The following GAA variants were observed in gnomAD, a reference collection of about 807,000 sequenced individuals.
The protein encoded by GAA is alpha glucosidase.
In GAA, 88 loss-of-function variants were observed where a neutral mutation model predicts 103.9. That is an observed-to-expected ratio of 0.85 (90% CI 0.71 to 1.01). GAA has a LOEUF of 1.01. Among genes scored for constraint, GAA ranks in the 50% least tolerant of loss-of-function variants. The probability of loss-of-function intolerance (pLI) is 0.00; values close to 1 mark genes in which losing one functional copy is unlikely to be tolerated. For synonymous variants in GAA, 572 were observed against 563.1 expected (o/e 1.02, Z -0.22); for missense variants, 1,350 against 1,305.3 (o/e 1.03, Z -0.53).
intron 1 of GAA, chr17:80,102,821 C>G (rs1308251375): frequency 6.6e-6 from 1 of 152,224 alleles, no homozygotes; most frequent in African/African-American, 2.4e-5. Flanking sequence ...CAAGTGACAA[C>G]CTGGGATTTG....
chr17:80,104,482 C>T lies in GAA; in HGVS notation c.-32-73C>T. On this transcript the variant is annotated intron_variant, in intron 1 of 19. Transcript: ENST00000302262. The surrounding 1 kb of genome is among the most constrained non-coding windows in gnomAD (Gnocchi z 4.0). Reference sequence around the variant, plus strand: ...GCAGTGCCAGCCGCGGTTGATGTCTCAGAGCTGCTTTGAGAGCCCCGTGAG... The same window carrying T: ...GCAGTGCCAGCCGCGGTTGATGTCTTAGAGCTGCTTTGAGAGCCCCGTGAG... 1 of 1,155,412 alleles carries T rather than the reference C, an allele frequency of 8.7e-7. No homozygotes were observed. Among genetic ancestry groups the T allele is most frequent in the South Asian group, 1.5e-5 (1 of 65,408 alleles). The allele number at this position is 1,155,412 out of a possible 1,614,324, so 71.6% of individuals were successfully genotyped here.
In GAA at chr17:80,117,667, G is replaced by A; in HGVS notation, c.2399G>A (p.Ser800Asn). The change falls in exon 17 of 20, where the codon AGC (serine) becomes AAC (asparagine). Residue 800 changes from serine to asparagine, a missense_variant. Transcript: ENST00000302262. ...PAAPREPAIHSEGQWVTLPAP... is the reference protein window; with the variant it reads ...PAAPREPAIHNEGQWVTLPAP... ...GCTCCCCGTGAGCCAGCCATCCACAGCGAGGGGCAGTGGGTGACGCTGCCG... is the reference window on the plus strand; with the variant it reads ...GCTCCCCGTGAGCCAGCCATCCACAACGAGGGGCAGTGGGTGACGCTGCCG... 1 of 1,612,854 alleles carries A rather than the reference G, an allele frequency of 6.2e-7. No individual in the cohort carries two copies.
At chr17:80,110,686 G>C (rs764556150) in intron 9 of GAA, 41 bp from the exon 10 acceptor site, 2 of 1,558,338 alleles carry the variant, frequency 1.3e-6, no homozygotes, top group South Asian at 2.2e-5. Context: ...GCAGGCCCTG[G>C]GTGGGGCCGG....
intron 12 of GAA, 87 bp from the exon 13 acceptor site, chr17:80,112,491 C>G: frequency 6.5e-7 from 1 of 1,548,254 alleles, no homozygotes; most frequent in South Asian, 1.1e-5. Flanking sequence ...CCAGAAAGCT[C>G]CTTGCTCCCA....
Position 80,112,090 on chromosome 17 carries a change from G to A in GAA, c.1744G>A (p.Ala582Thr), listed in dbSNP as rs369098202. ...CCTCTACGGCCTGACCGAAGCCATC[G>A]CCTCCCACAGGTGAGGGCCACGTCC... ...HNLYGLTEAI[A>T]SHRALVKARG... The change falls in exon 12 of 20, where the codon GCC becomes ACC. Residue 582 changes from alanine (A) to threonine (T), a missense_variant. Physicochemically the swap from Ala to Thr is moderately conservative, Grantham distance 58 (BLOSUM62 0). Transcript: ENST00000302262. 1.5e-5 allele frequency: 25 copies of A among 1,613,472 alleles called. No homozygotes were observed. The highest frequency in any genetic ancestry group is 1.6e-4 in the Middle Eastern group (1 of 6,062).
At chr17:80,103,038 A>C (rs1009749142) in intron 1 of GAA, among the ~76,000 whole-genome samples, 2 of 152,194 alleles carry the variant, frequency 1.3e-5, no homozygotes, top group African/African-American at 4.8e-5. Context: ...CAGCCCAGAG[A>C]GCCCTAATTT....
intron 12 of GAA, chr17:80,112,328 C>A: frequency 1.6e-6 from 1 of 640,418 alleles, no homozygotes; most frequent in Non-Finnish European, 2.7e-6. Context: ...TGGATGCTGA[C>A]AGGAGTCTGC....
chr17:80,105,159 G>C, intron 2 of GAA, 27 bp downstream of exon 2: 1 of 1,588,588 alleles, frequency 6.3e-7, no homozygotes, highest in Non-Finnish European at 8.5e-7. Context: ...CGGGGGCGGC[G>C]GCCAGGGCAG....
intron 5 of GAA, 110 bp from the exon 6 acceptor site, chr17:80,108,180 C>T: frequency 3.2e-6 from 5 of 1,585,160 alleles, no homozygotes; most frequent in African/African-American, 1.3e-5. Flanking sequence ...CTCTGAGCTC[C>T]TCGTGGGGAG....
intron 16 of GAA, 142 bp from the exon 17 acceptor site, chr17:80,117,458 G>A (rs1016603092): frequency 1.3e-5 from 13 of 994,528 alleles, no homozygotes; most frequent in East Asian, 9.6e-5. Context: ...CTGAGTCTGC[G>A]CCTGAAGTCA....
intron 3 of GAA, among the ~76,000 whole-genome samples, chr17:80,106,140 G>T (rs922165701): frequency 6.6e-6 from 1 of 152,156 alleles, no homozygotes; most frequent in Non-Finnish European, 1.5e-5. Flanking sequence ...ATTTAACTCA[G>T]GAAAACTCTC....
At chr17:80,105,610 C>A in intron 2 of GAA, 139 bp from the exon 3 acceptor site, 2 of 1,037,438 alleles carry the variant, frequency 1.9e-6, no homozygotes, top group Non-Finnish European at 2.9e-6. Context: ...AGCCGAGGCT[C>A]AGAGAGGCTG....
intron 7 of GAA, 28 bp from the exon 8 acceptor site, chr17:80,108,668 CA>C: frequency 6.2e-7 from 1 of 1,612,786 alleles, no homozygotes; most frequent in Non-Finnish European, 8.5e-7. Flanking sequence ...CCTCAGGCCC[CA>C]GCAGACGGTC....
At chr17:80,112,849 A>T in intron 13 of GAA, 27 bp from the exon 14 acceptor site, 1 of 1,600,356 alleles carries the variant, frequency 6.2e-7, no homozygotes, top group Non-Finnish European at 8.5e-7. Flanking sequence ...CAGCAGCCTG[A>T]GGACCAGCCT....
Position 80,111,029 on chromosome 17 carries a change from A to G in GAA, c.1636+4A>G, listed in dbSNP as rs1397214176. ...GAGAACCCACCCTACGTGCCTGGTC[A>G]GCTCGCCCCCCACCTACCCTGGGGA... On this transcript the variant is annotated splice_donor_region_variant and intron_variant, in intron 11 of 19. Coordinates refer to ENST00000302262, the MANE Select transcript of GAA (RefSeq NM_000152.5). The G allele has an allele frequency of 6.2e-7, 1 of 1,613,518 alleles. No homozygotes were observed. The highest frequency in any genetic ancestry group is 8.5e-7 in the Non-Finnish European group (1 of 1,179,856).
chr17:80,111,623 C>A, intron 11 of GAA: 1 of 352,552 alleles, frequency 2.8e-6, no homozygotes. Flanking sequence ...GTTTGGGGGC[C>A]TGAGGCTATA....
chr17:80,110,621 C>T, intron 9 of GAA, 106 bp from the exon 10 acceptor site: 1 of 919,112 alleles, frequency 1.1e-6, no homozygotes, highest in East Asian at 2.5e-5. Flanking sequence ...ATGTGGGCGT[C>T]CACTAAGAGT....
intron 16 of GAA, 66 bp downstream of exon 16, chr17:80,117,175 C>T: frequency 6.5e-7 from 1 of 1,549,612 alleles, no homozygotes; most frequent in South Asian, 1.1e-5. Flanking sequence ...CCTGCCCCCT[C>T]CACCCAGTTG....
chr17:80,105,125 A>C lies in GAA; in HGVS notation c.539A>C (p.His180Pro). The C allele has an allele frequency of 6.2e-7, 1 of 1,605,034 alleles. No homozygotes were observed. Residue 180 changes from histidine to proline, a missense_variant, in exon 2 of 20, where the codon CAC becomes CCC. By Grantham distance (77) the His-to-Pro change is moderately conservative. Transcript: ENST00000302262. ...DVMMETENRL[H>P]FTIKDPANRR... ...ATGATGGAGACTGAGAACCGCCTCC[A>C]CTTCACGGTGGGCAGGGCAGGGGCG...
Sources: allele counts gnomAD v4.1 joint callset (sites outside exome capture counted in the v4.1 genomes callset), GRCh38; gene constraint gnomAD v4.1.1; non-coding constraint Gnocchi (gnomAD v3.1); transcripts MANE v1.5; gene names NCBI Gene and HGNC (gene_info 2026-07-23, HGNC 2026-07-21).